TMTC2: variants seen among roughly 807,000 people sequenced by gnomAD.
TMTC2 encodes protein O-mannosyl-transferase TMTC2.
Under a neutral mutation model 82.4 loss-of-function variants are expected in TMTC2, and 43 were observed. The observed-to-expected ratio is 0.52, with a 90% confidence interval of 0.41 to 0.67. The LOEUF (loss-of-function observed/expected upper bound fraction) is 0.67, where lower values mean the gene tolerates loss of function less well. Ranked by LOEUF, TMTC2 falls within the 30% of genes least tolerant of loss-of-function variation. TMTC2 has a pLI of 0.00. For synonymous variants in TMTC2, 408 were observed against 381.9 expected, an observed-to-expected ratio of 1.07 and a Z score of -0.80; for missense variants, 919 against 1,012.4, an observed-to-expected ratio of 0.91 and a Z score of 1.25.
intron 3 of TMTC2, among the ~76,000 whole-genome samples, chr12:82,920,910 T>G (rs1194004792): frequency 6.6e-6 from 1 of 152,144 alleles, no homozygotes; most frequent in Admixed American, 6.6e-5. Context: ...ACCATTTGTT[T>G]ACGTAGGCAG....
intron 9 of TMTC2, among the ~76,000 whole-genome samples, chr12:83,043,592 G>C (rs1881976059): frequency 6.6e-6 from 1 of 152,198 alleles, no homozygotes; most frequent in African/African-American, 2.4e-5. Flanking sequence ...TTCAGAAATA[G>C]AAATGATGCA....
At chr12:83,045,707 T>TCACA (rs143555229) in intron 9 of TMTC2, among the ~76,000 whole-genome samples, 41,086 of 122,692 alleles carry the variant, frequency 0.33, 6,740 homozygotes, top group South Asian at 0.45. Context: ...AAGGGCTCCT[T>TCACA]CACACACACA....
At chr12:82,995,325 T>TAC (rs1216062161) in intron 8 of TMTC2, among the ~76,000 whole-genome samples, 3 of 65,080 alleles carry the variant, frequency 4.6e-5, no homozygotes, top group Non-Finnish European at 1.1e-4. Context: ...CATTTGGTTA[T>TAC]ACACACACAC....
chr12:82,793,417 G>T (rs1362491607), intron 1 of TMTC2, among the ~76,000 whole-genome samples: 1 of 150,022 alleles, frequency 6.7e-6, no homozygotes, highest in Non-Finnish European at 1.5e-5. Context: ...TAAATGTAGG[G>T]ACAGATTTAC....
chr12:82,967,065 C>A (rs1020440207), intron 7 of TMTC2, 68 bp downstream of exon 7: 48 of 1,222,000 alleles, frequency 3.9e-5, no homozygotes, highest in South Asian at 3.7e-4. Flanking sequence ...AACCCATGTT[C>A]GTGTTTAATG....
chr12:83,120,633 TG>T (rs1884918224), intron 11 of TMTC2, among the ~76,000 whole-genome samples: 1 of 152,204 alleles, frequency 6.6e-6, no homozygotes, highest in Non-Finnish European at 1.5e-5. Flanking sequence ...TGTGCCTAGG[TG>T]ATGATCTGTT....
intron 11 of TMTC2, among the ~76,000 whole-genome samples, chr12:83,122,596 G>A (rs758181995): frequency 4.6e-5 from 7 of 152,092 alleles, no homozygotes; most frequent in Non-Finnish European, 8.8e-5. Flanking sequence ...TTTCATTTTC[G>A]CCAGTGGGGG....
chr12:82,695,707 C>T (rs1565711563), intron 1 of TMTC2, among the ~76,000 whole-genome samples: 1 of 152,172 alleles, frequency 6.6e-6, no homozygotes, highest in Non-Finnish European at 1.5e-5. Context: ...GAAGTGACAT[C>T]CCTGCAAATT....
At chr12:82,880,007 C>A (rs188443797) in intron 2 of TMTC2, among the ~76,000 whole-genome samples, 1 of 152,282 alleles carries the variant, frequency 6.6e-6, no homozygotes, top group Non-Finnish European at 1.5e-5. Context: ...AGCCTTCTTT[C>A]CTCATAATAT....
chr12:82,709,537 A>C (rs1302652476), intron 1 of TMTC2, among the ~76,000 whole-genome samples: 1 of 152,256 alleles, frequency 6.6e-6, no homozygotes, highest in Non-Finnish European at 1.5e-5. Flanking sequence ...ACTTAAAAAC[A>C]AAACCCCAAA....
intron 4 of TMTC2, among the ~76,000 whole-genome samples, chr12:82,937,791 TATATAC>T (rs1237392497): frequency 4.4e-4 from 10 of 22,716 alleles, no homozygotes; most frequent in African/African-American, 1.2e-3. Flanking sequence ...TATATATATA[TATATAC>T]ACACATATAT....
At chr12:82,710,132 A>C (rs892380617) in intron 1 of TMTC2, among the ~76,000 whole-genome samples, 10 of 152,226 alleles carry the variant, frequency 6.6e-5, no homozygotes, top group Non-Finnish European at 2.9e-5. Context: ...AATCATATCC[A>C]GAAAATTCAG....
chr12:82,965,204 C>T, intron 5 of TMTC2, 95 bp downstream of exon 5: 2 of 914,584 alleles, frequency 2.2e-6, no homozygotes, highest in Non-Finnish European at 1.7e-6. Flanking sequence ...ACTTGGTGCT[C>T]TTATTTCTGA....
At chr12:82,995,371 C>T (rs1879574295) in intron 8 of TMTC2, among the ~76,000 whole-genome samples, 2 of 152,064 alleles carry the variant, frequency 1.3e-5, no homozygotes, top group Admixed American at 6.6e-5. Flanking sequence ...AACGATGCCA[C>T]ATCTGTTCTA....
At chr12:83,105,443 C>T (rs114464699) in intron 11 of TMTC2, among the ~76,000 whole-genome samples, 82 of 152,262 alleles carry the variant, frequency 5.4e-4, no homozygotes, top group African/African-American at 1.9e-3. Flanking sequence ...TGTATGGAAG[C>T]ATGGTGCCGG....
intron 1 of TMTC2, among the ~76,000 whole-genome samples, chr12:82,824,075 A>G (rs11115446): frequency 0.19 from 29,132 of 151,882 alleles, 5,549 homozygotes; most frequent in African/African-American, 0.5. Flanking sequence ...TGTATTTTTA[A>G]TAGAGACGGG....
intron 1 of TMTC2, among the ~76,000 whole-genome samples, chr12:82,798,414 G>C (rs1164618729): frequency 2.1e-5 from 3 of 145,608 alleles, no homozygotes; most frequent in Non-Finnish European, 3.0e-5. Context: ...GGAGAATGGC[G>C]TGAACCTGGG....
At chr12:82,701,653 C>T (rs934345766) in intron 1 of TMTC2, among the ~76,000 whole-genome samples, 8 of 148,768 alleles carry the variant, frequency 5.4e-5, no homozygotes, top group Non-Finnish European at 8.9e-5. Flanking sequence ...CCCAGCTACT[C>T]GGAAGGCTGA....
chr12:82,733,314 C>T (rs954052622), intron 1 of TMTC2, among the ~76,000 whole-genome samples: 7 of 152,154 alleles, frequency 4.6e-5, no homozygotes, highest in East Asian at 1.9e-4. Flanking sequence ...CAGCAACATG[C>T]GTTGAGTACC....
Sources: allele counts gnomAD v4.1 joint callset (sites outside exome capture counted in the v4.1 genomes callset), GRCh38; gene constraint gnomAD v4.1.1; transcripts MANE v1.5; gene names NCBI Gene and HGNC (gene_info 2026-07-23, HGNC 2026-07-21).